LNP1: variants seen among roughly 807,000 people sequenced by gnomAD.
LNP1 encodes leukemia NUP98 fusion partner 1.
LNP1 carries 12 observed loss-of-function variants against 14.5 expected under a neutral mutation model. That is an observed-to-expected ratio of 0.83 (90% confidence interval 0.53 to 1.34). LNP1 has a LOEUF of 1.34. Among genes scored for constraint, LNP1 ranks in the 40% most tolerant of loss-of-function variants. LNP1 has a pLI of 0.00. For missense variants in LNP1, 198 were observed against 210.9 expected, an observed-to-expected ratio of 0.94 and a Z score of 0.38; for synonymous variants, 75 against 71.4, an observed-to-expected ratio of 1.05 and a Z score of -0.26.
chr3:100,408,503 C>A (rs1001199699), intron 1 of LNP1, among the ~76,000 whole-genome samples: 12 of 152,244 alleles, frequency 7.9e-5, no homozygotes, highest in African/African-American at 2.9e-4. Context: ...CTGAAGCTTG[C>A]AGCCACTGAG....
Position 100,429,772 on chromosome 3 carries a change from A to T in LNP1, c.43A>T (p.Lys15Ter), listed in dbSNP as rs1465087871. 1.2e-6 allele frequency: 2 copies of T among 1,613,984 alleles called. No homozygotes were observed. The highest frequency in any genetic ancestry group is 8.5e-7 in the Non-Finnish European group (1 of 1,179,938). Reference protein sequence around the residue: ...DDDDDDVSFAKWMSSFWGHSW... With the variant: ...DDDDDDVSFA ...TGATGATGATGATGTGTCTTTTGCC[A>T]AATGGATGAGCAGCTTCTGGGGCCA... Residue 15 changes from lysine (K) to a stop codon, truncating the protein, a stop_gained, in exon 2 of 4, where the codon AAA becomes TAA. Coordinates refer to ENST00000383693, the MANE Select transcript of LNP1 (RefSeq NM_001085451.2). LOFTEE classifies it high-confidence loss of function.
intron 1 of LNP1, among the ~76,000 whole-genome samples, chr3:100,405,356 T>G (rs1438018116): frequency 2.0e-5 from 3 of 152,260 alleles, no homozygotes; most frequent in Non-Finnish European, 4.4e-5. Context: ...CCTAAGAGTA[T>G]GTATAACACA....
chr3:100,423,173 G>A (rs551278433), intron 1 of LNP1, among the ~76,000 whole-genome samples: 59 of 151,922 alleles, frequency 3.9e-4, no homozygotes, highest in African/African-American at 1.3e-3. Flanking sequence ...CCGTTAAAAA[G>A]AAAAAAAGAT....
At chr3:100,453,350 G>C (rs1458506410) in intron 3 of LNP1, among the ~76,000 whole-genome samples, 1 of 151,830 alleles carries the variant, frequency 6.6e-6, no homozygotes, top group East Asian at 1.9e-4. Context: ...GAAGGTTGAG[G>C]CCACGGGATC....
intron 1 of LNP1, among the ~76,000 whole-genome samples, chr3:100,416,679 A>T (rs1707087554): frequency 6.7e-6 from 1 of 148,616 alleles, no homozygotes; most frequent in Non-Finnish European, 1.5e-5. Context: ...TTTAAAAAAA[A>T]TATTTTGGTT....
At chr3:100,449,087 T>C (rs1318138736) in intron 2 of LNP1, among the ~76,000 whole-genome samples, 2 of 152,142 alleles carry the variant, frequency 1.3e-5, no homozygotes, top group East Asian at 3.9e-4. Context: ...AAAAATCTAT[T>C]ATAGGATTGT....
At chr3:100,452,741 G>T (rs535145818) in intron 3 of LNP1, among the ~76,000 whole-genome samples, 1 of 152,164 alleles carries the variant, frequency 6.6e-6, no homozygotes, top group Non-Finnish European at 1.5e-5. Context: ...GGTGCTCATG[G>T]TGACGTCATG....
At chr3:100,441,032 G>A (rs548081571) in intron 2 of LNP1, among the ~76,000 whole-genome samples, 2 of 152,272 alleles carry the variant, frequency 1.3e-5, no homozygotes, top group South Asian at 2.1e-4. Context: ...AGGTGAGCTC[G>A]AGAAAGAGAT....
intron 2 of LNP1, among the ~76,000 whole-genome samples, chr3:100,433,373 C>T (rs753585998): frequency 6.6e-6 from 1 of 152,208 alleles, no homozygotes; most frequent in Non-Finnish European, 1.5e-5. Context: ...CCAGCTTCAT[C>T]TATGTCCCTG....
At chr3:100,430,034 C>T in intron 2 of LNP1, 149 bp downstream of exon 2, 1 of 758,460 alleles carries the variant, frequency 1.3e-6, no homozygotes, top group Non-Finnish European at 2.1e-6. Flanking sequence ...AGAAATCTCT[C>T]TTATTATTTC....
chr3:100,409,607 T>TGTA (rs199660524), intron 1 of LNP1, among the ~76,000 whole-genome samples: 351 of 49,790 alleles, frequency 7.0e-3, no homozygotes, highest in African/African-American at 0.021. Flanking sequence ...TATATATATA[T>TGTA]TTTTTTTTTT....
intron 1 of LNP1, among the ~76,000 whole-genome samples, chr3:100,409,529 GCTCT>G (rs199706202): frequency 2.3e-4 from 32 of 138,712 alleles, no homozygotes; most frequent in African/African-American, 7.7e-4. Flanking sequence ...TGCAATTCCA[GCTCT>G]CTCTCTCTCT....
rs1553740770 is a variant in LNP1 at position 100,416,599 on chromosome 3, T to TGTGTGTG, written c.-33-13098_-33-13097insGTGTGTG. Among the ~76,000 whole-genome samples the TGTGTGTG allele has an allele frequency of 3.8e-3, 359 of 94,650 alleles. 6 individuals are homozygous for TGTGTGTG. Among genetic ancestry groups the TGTGTGTG allele is most frequent in the Admixed American group, 8.7e-3 (92 of 10,598 alleles). The allele number at this position is 94,650 out of a possible 152,430, so 62.1% of individuals were successfully genotyped here. On this transcript the variant is annotated intron_variant, in intron 1 of 3. Transcript: ENST00000383693. The stretch of plus-strand genomic sequence containing the variant: ...AAATAATACCTTGAGTATATCTTTT[T>TGTGTGTG]TGTGTGTGTGTGTGTGTGTGTGTGT...
At chr3:100,442,482 C>T (rs1012692718) in intron 2 of LNP1, among the ~76,000 whole-genome samples, 2 of 152,108 alleles carry the variant, frequency 1.3e-5, no homozygotes, top group Admixed American at 6.5e-5. Context: ...ATATGAATAT[C>T]GGTTTGATCT....
Position 100,456,190 on chromosome 3 carries a change from G to T in LNP1, c.*264G>T. ...TTTTATGGGAATAAAGAGAATAAAA[G>T]GTATTTTAATAGAATAAAGAAAAAT... On this transcript the variant is annotated 3_prime_UTR_variant, in exon 4 of 4. Coordinates refer to ENST00000383693, the MANE Select transcript of LNP1 (RefSeq NM_001085451.2). The T allele has an allele frequency of 3.3e-6, 1 of 299,968 alleles. No homozygotes were observed. Among genetic ancestry groups the T allele is most frequent in the Non-Finnish European group, 6.1e-6 (1 of 163,410 alleles). 18.6% of individuals were successfully genotyped at this position (299,968 alleles called of 1,614,324 possible). A position where few individuals can be genotyped will look rare whatever the true frequency, so the allele number is the denominator to read the frequency against.
intron 2 of LNP1, among the ~76,000 whole-genome samples, chr3:100,442,531 A>G (rs1411239864): frequency 6.6e-6 from 1 of 152,198 alleles, no homozygotes; most frequent in Non-Finnish European, 1.5e-5. Context: ...AGGAAGACTC[A>G]AAGTGGGGAG....
At chr3:100,441,274 C>T (rs372923147) in intron 2 of LNP1, among the ~76,000 whole-genome samples, 1 of 152,114 alleles carries the variant, frequency 6.6e-6, no homozygotes, top group Non-Finnish European at 1.5e-5. Flanking sequence ...TAGATGAAGA[C>T]CAAAAAGTGC....
chr3:100,447,319 A>C (rs1707397457), intron 2 of LNP1, among the ~76,000 whole-genome samples: 1 of 152,202 alleles, frequency 6.6e-6, no homozygotes, highest in African/African-American at 2.4e-5. Flanking sequence ...TGAAGTTGGA[A>C]ATCATCATTC....
chr3:100,429,614 A>T, intron 1 of LNP1, 83 bp from the exon 2 acceptor site: 1 of 872,200 alleles, frequency 1.1e-6, no homozygotes, highest in South Asian at 1.8e-5. Flanking sequence ...TTTTAAAAAG[A>T]CCAGTTTCAT....
Sources: gnomAD v4.1 joint callset for allele counts (sites outside exome capture counted in the v4.1 genomes callset) on GRCh38, gnomAD v4.1.1 for gene constraint, MANE v1.5 for transcripts, NCBI Gene and HGNC (gene_info 2026-07-23, HGNC 2026-07-21) for gene names.